The following ADGRF3 variants were observed in gnomAD, a reference collection of about 807,000 sequenced individuals.
ADGRF3 encodes adhesion G protein-coupled receptor F3.
ADGRF3 carries 85 observed loss-of-function variants against 93.2 expected under a neutral mutation model. The ratio of observed to expected loss-of-function variants is 0.91; its 90% CI spans 0.77 to 1.09. The LOEUF (loss-of-function observed/expected upper bound fraction) is 1.09, where lower values mean the gene tolerates loss of function less well. Ranked by LOEUF, ADGRF3 falls within the 50% of genes least tolerant of loss-of-function variation. The probability of loss-of-function intolerance (pLI) is 0.00; values close to 1 mark genes in which losing one functional copy is unlikely to be tolerated. For synonymous variants in ADGRF3, 534 were observed against 532.5 expected, an observed-to-expected ratio of 1.00 and a Z score of -0.04; for missense variants, 1,125 against 1,246.2, an observed-to-expected ratio of 0.90 and a Z score of 1.46.
intron 1 of ADGRF3, chr2:26,345,887 A>T (rs1676702104): frequency 1.1e-5 from 6 of 542,484 alleles, no homozygotes; most frequent in African/African-American, 2.0e-5. Context: ...ACCTCAGCTC[A>T]CCAATTTTGA....
intron 1 of ADGRF3, among the ~76,000 whole-genome samples, chr2:26,320,729 A>C (rs1026941964): frequency 6.6e-6 from 1 of 152,202 alleles, no homozygotes; most frequent in African/African-American, 2.4e-5. Context: ...TTGATTAAAC[A>C]ATCAAAATGT....
chr2:26,339,114 C>CAAAAAAAAAA (rs61584458), intron 1 of ADGRF3, among the ~76,000 whole-genome samples: 7 of 39,638 alleles, frequency 1.8e-4, no homozygotes, highest in African/African-American at 4.3e-4. Context: ...GACTCCGTCA[C>CAAAAAAAAAA]AAAAAAAAAA....
chr2:26,312,860 C>T, intron 9 of ADGRF3, 83 bp downstream of exon 9: 4 of 1,331,396 alleles, frequency 3.0e-6, no homozygotes, highest in Non-Finnish European at 1.0e-6. Flanking sequence ...ATGGTGACAT[C>T]AGAGGGACAG....
Position 26,309,043 on chromosome 2 carries a change from C to A in ADGRF3, c.*43G>T. ...AGGGCTCATCTGGTGGGTTCAAGCA[C>A]ACAGCCTCAACTCCCTTGCAGGAAC... On this transcript the variant is annotated 3_prime_UTR_variant, in exon 14 of 14. Coordinates refer to ENST00000651242, the MANE Select transcript of ADGRF3 (RefSeq NM_001321971.2). 1 of 1,613,974 alleles carries A rather than the reference C, an allele frequency of 6.2e-7. No homozygotes were observed. Among genetic ancestry groups the A allele is most frequent in the Non-Finnish European group, 8.5e-7 (1 of 1,179,886 alleles).
chr2:26,311,696 G>C lies in ADGRF3; in HGVS notation c.1828C>G (p.Leu610Val), dbSNP rs765350309. ...SNYGQGLGDSLYATPGLVLVI... is the reference protein window; with the variant it reads ...SNYGQGLGDSVYATPGLVLVI... ...AGGACCAGGCCAGGAGTGGCATAGA[G>C]GGAATCCCCCAGCCCTTGTCCATAG... The change falls in exon 10 of 14, where the codon CTC becomes GTC. Residue 610 changes from leucine to valine, a missense_variant. Physicochemically the swap from Leu to Val is conservative, Grantham distance 32 (BLOSUM62 1). Coordinates refer to ENST00000651242, the MANE Select transcript of ADGRF3 (RefSeq NM_001321971.2). 3 of 1,613,334 alleles carry C rather than the reference G, an allele frequency of 1.9e-6. No homozygotes were observed. The highest frequency in any genetic ancestry group is 2.5e-6 in the Non-Finnish European group (3 of 1,179,774).
chr2:26,342,708 C>G (rs557271671), intron 1 of ADGRF3, among the ~76,000 whole-genome samples: 5 of 152,302 alleles, frequency 3.3e-5, no homozygotes, highest in African/African-American at 9.6e-5. Flanking sequence ...CAATAATAAA[C>G]TACACTCAGG....
chr2:26,343,338 A>T (rs926698491), intron 1 of ADGRF3, among the ~76,000 whole-genome samples: 1 of 152,220 alleles, frequency 6.6e-6, no homozygotes, highest in Admixed American at 6.5e-5. Context: ...ATCTCAGAGA[A>T]GTTATATGAT....
chr2:26,319,051 G>C (rs1674946960), intron 1 of ADGRF3: 1 of 1,548,886 alleles, frequency 6.5e-7, no homozygotes, highest in Non-Finnish European at 8.7e-7. Flanking sequence ...ACAGACCATG[G>C]CTCAGTGAAG....
At chr2:26,326,676 T>C (rs1201554006) in intron 1 of ADGRF3, among the ~76,000 whole-genome samples, 1 of 152,236 alleles carries the variant, frequency 6.6e-6, no homozygotes, top group Admixed American at 6.5e-5. Context: ...GTCCTTGTAC[T>C]GAGAACCTAT....
chr2:26,309,367 C>T, intron 13 of ADGRF3, 159 bp downstream of exon 13: 24 of 1,487,616 alleles, frequency 1.6e-5, no homozygotes, highest in Non-Finnish European at 2.0e-5. Flanking sequence ...TCCCAGCCAT[C>T]TAGCAATGGC....
intron 1 of ADGRF3, among the ~76,000 whole-genome samples, chr2:26,344,520 A>G (rs2147934287): frequency 6.6e-6 from 1 of 152,314 alleles, no homozygotes; most frequent in South Asian, 2.1e-4. Context: ...CATTCATTCA[A>G]TAAAATACGT....
At position 26,310,246 on chromosome 2, in the gene ADGRF3, AG is replaced by A; in HGVS notation, c.2833-10del. The A allele has an allele frequency of 6.2e-7, 1 of 1,613,970 alleles. No homozygotes were observed. Among genetic ancestry groups the A allele is most frequent in the Non-Finnish European group, 8.5e-7 (1 of 1,179,868 alleles). On this transcript the variant is annotated splice_polypyrimidine_tract_variant and intron_variant, in intron 10 of 13. Coordinates refer to ENST00000651242, the MANE Select transcript of ADGRF3 (RefSeq NM_001321971.2). ...AATAGGATGAAGACGCCCTGAGAAG[AG>A]GGACATGGGGATAAGCTGGTCAAGG...
chr2:26,328,709 C>T (rs1235024924), intron 1 of ADGRF3, among the ~76,000 whole-genome samples: 1 of 152,234 alleles, frequency 6.6e-6, no homozygotes. Context: ...GCCTCAGCCT[C>T]CCAAAGTGCT....
chr2:26,320,637 T>C (rs1251129577), intron 1 of ADGRF3, among the ~76,000 whole-genome samples: 1 of 152,208 alleles, frequency 6.6e-6, no homozygotes, highest in African/African-American at 2.4e-5. Flanking sequence ...TTATATTAAG[T>C]ATTAAAAGTA....
chr2:26,311,795 A>T lies in ADGRF3; in HGVS notation c.1729T>A (p.Leu577Met), dbSNP rs1281689362. The T allele has an allele frequency of 1.2e-6, 2 of 1,613,794 alleles. No individual in the cohort carries two copies. Among genetic ancestry groups the T allele is most frequent in the Non-Finnish European group, 1.7e-6 (2 of 1,179,872 alleles). ...AQIPRHSLAP[L>M]VRNGTEISIT... ...CTTATTTCAGTTCCATTACGGACCA[A>T]TGGGGCCAGTGAGTGCCTGGGAATC... Residue 577 changes from leucine to methionine, a missense_variant, in exon 10 of 14, where the codon TTG becomes ATG. Leu to Met is a conservative substitution (Grantham distance 15). Coordinates refer to ENST00000651242, the MANE Select transcript of ADGRF3 (RefSeq NM_001321971.2).
intron 1 of ADGRF3, among the ~76,000 whole-genome samples, chr2:26,323,435 T>G (rs1236424615): frequency 6.6e-6 from 1 of 152,186 alleles, no homozygotes; most frequent in Non-Finnish European, 1.5e-5. Flanking sequence ...TAAACATGGA[T>G]TGTGAAGGCT....
In ADGRF3 at chr2:26,313,408, G is replaced by C. The variant is rs970569253; in HGVS notation, c.1238C>G (p.Ala413Gly). ...TCTAGTGAACAAGGCCAGGAGCCTC[G>C]CATCTGTGCAGCTGCTGTGGACCGG... ...WGPVHSSCTD[A>G]RLLALFTRTK... Residue 413 changes from alanine (A) to glycine (G), a missense_variant, in exon 8 of 14, where the codon GCG becomes GGG. Transcript: ENST00000651242. The C allele has an allele frequency of 1.2e-6, 2 of 1,604,184 alleles. No homozygotes were observed. The highest frequency in any genetic ancestry group is 2.7e-5 in the African/African-American group (2 of 74,620).
chr2:26,331,618 T>C (rs1441944667), intron 1 of ADGRF3, among the ~76,000 whole-genome samples: 1 of 152,176 alleles, frequency 6.6e-6, no homozygotes, highest in African/African-American at 2.4e-5. Flanking sequence ...TAATCCCAGC[T>C]ACTTGGGAGG....
intron 1 of ADGRF3, chr2:26,345,807 A>T: frequency 5.1e-6 from 2 of 390,764 alleles, no homozygotes; most frequent in Non-Finnish European, 4.7e-6. Flanking sequence ...TACCACAGAA[A>T]TCCCACCTTC....
Sources: allele counts gnomAD v4.1 joint callset (sites outside exome capture counted in the v4.1 genomes callset), GRCh38; gene constraint gnomAD v4.1.1; transcripts MANE v1.5; gene names NCBI Gene and HGNC (gene_info 2026-07-23, HGNC 2026-07-21).